The following TAB1 variants were observed in gnomAD, a reference collection of about 807,000 sequenced individuals.
TAB1 encodes the protein TGF-beta-activated kinase 1 and MAP3K7-binding protein 1.
In TAB1, 30 loss-of-function variants were observed where a neutral mutation model predicts 54.5. The observed-to-expected ratio is 0.55, with a 90% CI of 0.41 to 0.75. The LOEUF (loss-of-function observed/expected upper bound fraction) is 0.75, where lower values mean the gene tolerates loss of function less well. TAB1 is among the 30% of genes least tolerant of loss of function. The pLI is 0.00. For missense variants in TAB1, 609 were observed against 683.2 expected (o/e 0.89, Z 1.21); for synonymous variants, 289 against 286.9 (o/e 1.01, Z -0.07).
intron 8 of TAB1, 35 bp downstream of exon 8, chr22:39,422,006 GC>G (rs745598336): frequency 6.7e-7 from 1 of 1,494,806 alleles, no homozygotes; most frequent in South Asian, 1.4e-5. Flanking sequence ...TGGCCGGAGA[GC>G]GTGGCTGGCC....
At chr22:39,401,184 A>C (rs999744254) in intron 1 of TAB1, among the ~76,000 whole-genome samples, 1 of 152,168 alleles carries the variant, frequency 6.6e-6, no homozygotes, top group Non-Finnish European at 1.5e-5. Context: ...GTTTGTAGCC[A>C]GGTCCAGTGC....
At chr22:39,424,835 T>C (rs528000938) in intron 8 of TAB1, among the ~76,000 whole-genome samples, 1 of 152,144 alleles carries the variant, frequency 6.6e-6, no homozygotes, top group Admixed American at 6.5e-5. Flanking sequence ...TATTTCCAGG[T>C]AGAGTAGGGA....
chr22:39,414,861 A>G, intron 1 of TAB1, 145 bp from the exon 2 acceptor site: 2 of 857,228 alleles, frequency 2.3e-6, no homozygotes, highest in South Asian at 1.7e-5. Flanking sequence ...CTGTTCATAC[A>G]AACATTATTG....
chr22:39,436,636 GTCT>G (rs1202723363), downstream of TAB1: 23 of 1,315,618 alleles, frequency 1.7e-5, no homozygotes, highest in Non-Finnish European at 2.4e-5. Context: ...TTGTCGCCTG[GTCT>G]GACTTGTGCA....
At chr22:39,418,968 C>T (rs1926955188) in intron 6 of TAB1, 123 bp downstream of exon 6, 1 of 760,844 alleles carries the variant, frequency 1.3e-6, no homozygotes, top group South Asian at 1.6e-5. Flanking sequence ...AGCCAGCCTG[C>T]CTGGGGTTCA....
In TAB1 at chr22:39,430,020, G is replaced by A. The variant is rs748178544; in HGVS notation, c.1313G>A (p.Ser438Asn). 1 of 1,613,038 alleles carries A rather than the reference G, an allele frequency of 6.2e-7. No homozygotes were observed. Among genetic ancestry groups the A allele is most frequent in the Non-Finnish European group, 8.5e-7 (1 of 1,179,996 alleles). ...CCTCCCCTGTTGTCCTGCAGCCAAA[G>A]CCCGACCTTAACCCTGCAGTCCACC... ...DEATPTLTNQSPTLTLQSTNT... is the reference protein window; with the variant it reads ...DEATPTLTNQNPTLTLQSTNT... Residue 438 changes from serine to asparagine, a missense_variant, in exon 11 of 11, where the codon AGC (serine) becomes AAC (asparagine). Coordinates refer to ENST00000216160, the MANE Select transcript of TAB1 (RefSeq NM_006116.3).
At chr22:39,419,278 G>C (rs963769063) in intron 6 of TAB1, among the ~76,000 whole-genome samples, 1 of 152,228 alleles carries the variant, frequency 6.6e-6, no homozygotes, top group African/African-American at 2.4e-5. Context: ...CGGCAGGCAA[G>C]CTGCTCCGTG....
At position 39,417,698 on chromosome 22, in the gene TAB1, T is replaced by C. The variant is rs747089626; in HGVS notation, c.412-13T>C. 1.1e-5 allele frequency: 17 copies of C among 1,598,832 alleles called. No individual in the cohort carries two copies. The highest frequency in any genetic ancestry group is 1.3e-5 in the African/African-American group (1 of 74,148). ...AGTTCTGTCCTGCCCTGACCCTCTG[T>C]TGATGGTTGTAGGGAGTCCCTCAGC... On this transcript the variant is annotated splice_polypyrimidine_tract_variant and intron_variant, in intron 4 of 10. Coordinates refer to ENST00000216160, the MANE Select transcript of TAB1 (RefSeq NM_006116.3).
At chr22:39,408,538 A>G (rs1447885320) in intron 1 of TAB1, among the ~76,000 whole-genome samples, 1 of 152,188 alleles carries the variant, frequency 6.6e-6, no homozygotes, top group Non-Finnish European at 1.5e-5. Flanking sequence ...TCGCTCTGTC[A>G]TCCAGGCTGG....
downstream of TAB1, among the ~76,000 whole-genome samples, chr22:39,434,131 A>G (rs573446151): frequency 6.4e-4 from 98 of 152,316 alleles, no homozygotes; most frequent in Non-Finnish European, 1.2e-3. Flanking sequence ...TGAGGCGACG[A>G]CCCACTTAGA....
Position 39,430,870 on chromosome 22 carries a change from AAG to A in TAB1, c.*652_*653del. 2.0e-6 allele frequency: 2 copies of A among 989,320 alleles called. No homozygotes were observed. Among genetic ancestry groups the A allele is most frequent in the Non-Finnish European group, 2.4e-6 (2 of 832,206 alleles). 61.3% of individuals were successfully genotyped at this position (989,320 alleles called of 1,614,324 possible). The stretch of plus-strand genomic sequence containing the variant: ...GAAAGGAGCCAGGGGGAAGTGGTCT[AAG>A]AGACCTGGAACTGCCAGAGGATGGC... On this transcript the variant is annotated 3_prime_UTR_variant, in exon 11 of 11. Transcript: ENST00000216160.
chr22:39,410,550 C>T (rs1926564063), intron 1 of TAB1, among the ~76,000 whole-genome samples: 1 of 150,972 alleles, frequency 6.6e-6, no homozygotes, highest in Non-Finnish European at 1.5e-5. Flanking sequence ...CTAGCACTTA[C>T]TGCCATTTCA....
At chr22:39,412,270 C>T (rs552861427) in intron 1 of TAB1, among the ~76,000 whole-genome samples, 2 of 152,300 alleles carry the variant, frequency 1.3e-5, no homozygotes, top group South Asian at 2.1e-4. Flanking sequence ...AAATTCCTGG[C>T]CTCAAGTGAT....
chr22:39,415,597 C>G lies in TAB1; in HGVS notation c.268C>G (p.Leu90Val). The G allele has an allele frequency of 6.2e-7, 1 of 1,613,992 alleles. No individual in the cohort carries two copies. Among genetic ancestry groups the G allele is most frequent in the Non-Finnish European group, 8.5e-7 (1 of 1,179,996 alleles). ...CCAGCGGCTGTCCGCAGAGCTCCTG[C>G]TGGGCCAGCTGAATGCCGAGCACGC... ...VAQRLSAELL[L>V]GQLNAEHAEA... Residue 90 changes from leucine (L) to valine (V), a missense_variant, in exon 3 of 11, where the codon CTG becomes GTG. Coordinates refer to ENST00000216160, the MANE Select transcript of TAB1 (RefSeq NM_006116.3). This position sits in a 1 kb window ranked among gnomAD's most constrained non-coding sequence, Gnocchi z 4.9.
At chr22:39,401,937 T>A (rs1926162505) in intron 1 of TAB1, among the ~76,000 whole-genome samples, 1 of 152,208 alleles carries the variant, frequency 6.6e-6, no homozygotes, top group Admixed American at 6.5e-5. Flanking sequence ...CTGTGGCTAC[T>A]GGGCAAATAT....
chr22:39,421,324 T>G (rs953456181), intron 7 of TAB1, among the ~76,000 whole-genome samples: 4 of 152,178 alleles, frequency 2.6e-5, no homozygotes, highest in Non-Finnish European at 5.9e-5. Flanking sequence ...CTGGATGGTG[T>G]TGCCAGCACC....
At chr22:39,407,925 G>A (rs1926438343) in intron 1 of TAB1, among the ~76,000 whole-genome samples, 1 of 152,118 alleles carries the variant, frequency 6.6e-6, no homozygotes, top group South Asian at 2.1e-4. Flanking sequence ...CAGCCCTATG[G>A]CCCTGATCTT....
downstream of TAB1, among the ~76,000 whole-genome samples, chr22:39,436,128 C>T (rs1370231533): frequency 6.6e-6 from 1 of 152,112 alleles, no homozygotes; most frequent in African/African-American, 2.4e-5. Flanking sequence ...CCCATCTCTA[C>T]TAAAAATACA....
intron 10 of TAB1, among the ~76,000 whole-genome samples, chr22:39,428,632 T>TGCGGCCAGGCCCCCTCCA (rs1927453502): frequency 1.3e-5 from 2 of 152,128 alleles, no homozygotes; most frequent in African/African-American, 4.8e-5. Flanking sequence ...CTGAGGGGGA[T>TGCGGCCAGGCCCCCTCCA]GCGGCCAGGC....
Sources: gnomAD v4.1 joint callset for allele counts (sites outside exome capture counted in the v4.1 genomes callset) on GRCh38, gnomAD v4.1.1 for gene constraint, Gnocchi (gnomAD v3.1) non-coding constraint, MANE v1.5 for transcripts, NCBI Gene and HGNC (gene_info 2026-07-23, HGNC 2026-07-21) for gene names.